Variants in CSMD1 observed in about 807,000 individuals in gnomAD.
CSMD1 encodes CUB and sushi domain-containing protein 1.
CSMD1 carries 213 observed loss-of-function variants against 417.5 expected under a neutral mutation model. That is an observed-to-expected ratio of 0.51 (90% confidence interval 0.46 to 0.57). CSMD1 has a LOEUF of 0.57. Among genes scored for constraint, CSMD1 ranks in the 20% least tolerant of loss-of-function variants. The pLI, the probability that CSMD1 is intolerant of heterozygous loss-of-function variation, is 0.00. For missense variants in CSMD1, 6,923 were observed against 4,529.7 expected (o/e 1.53, Z -15.17); for synonymous variants, 2,862 against 1,736.8 (o/e 1.65, Z -16.11).
At chr8:3,711,640 G>C in intron 6 of CSMD1, among the ~76,000 whole-genome samples, 1 of 152,234 alleles carries the variant, frequency 6.6e-6, no homozygotes, top group East Asian at 1.9e-4. Flanking sequence ...AAGGGAACAC[G>C]AGATGGGGTA....
rs1033259671 is a variant in CSMD1 at position 3,922,267 on chromosome 8, C to G, written c.818+75636G>C. 2.6e-5 allele frequency among the ~76,000 whole-genome samples: 4 copies of G among 151,916 alleles called. No individual in the cohort carries two copies. In the East Asian group the frequency reaches 7.7e-4, roughly 29 times the overall value. On this transcript the variant is annotated intron_variant, in intron 5 of 69. Transcript: ENST00000635120. ...TCTTTACTTTCAACCTATGTGTGCTCTTAAAAACATAGTGAGTTCCTTTTA... is the reference window on the plus strand; with the variant it reads ...TCTTTACTTTCAACCTATGTGTGCTGTTAAAAACATAGTGAGTTCCTTTTA...
intron 10 of CSMD1, among the ~76,000 whole-genome samples, chr8:3,496,107 G>A (rs887927389): frequency 6.6e-5 from 10 of 152,074 alleles, no homozygotes; most frequent in Non-Finnish European, 1.3e-4. Context: ...CTCTCCCTGT[G>A]TTCATGTGTT....
intron 10 of CSMD1, among the ~76,000 whole-genome samples, chr8:3,519,894 T>C (rs1195342760): frequency 3.3e-5 from 5 of 152,084 alleles, no homozygotes; most frequent in African/African-American, 4.8e-5. Flanking sequence ...TTAATACATT[T>C]ATAGTGGTTT....
intron 5 of CSMD1, among the ~76,000 whole-genome samples, chr8:3,847,444 G>C (rs895835308): frequency 1.3e-5 from 2 of 152,040 alleles, no homozygotes; most frequent in Admixed American, 1.3e-4. Flanking sequence ...GGGCAGTTTT[G>C]GGGTCCTGAG....
At chr8:3,768,948 T>C (rs965294239) in intron 5 of CSMD1, among the ~76,000 whole-genome samples, 4 of 152,208 alleles carry the variant, frequency 2.6e-5, no homozygotes, top group East Asian at 3.8e-4. Flanking sequence ...TGTGTTCCGA[T>C]GGAAGGTGAA....
chr8:3,873,559 G>C (rs1805623641), intron 5 of CSMD1, among the ~76,000 whole-genome samples: 1 of 152,094 alleles, frequency 6.6e-6, no homozygotes, highest in Non-Finnish European at 1.5e-5. Flanking sequence ...CTGCAGGGTG[G>C]ACGGTGGGAG....
intron 5 of CSMD1, among the ~76,000 whole-genome samples, chr8:3,898,134 A>G (rs554464714): frequency 6.6e-6 from 1 of 152,312 alleles, no homozygotes; most frequent in Non-Finnish European, 1.5e-5. Context: ...AGTTTCTACC[A>G]GCTGAGTCAA....
At chr8:4,747,030 G>T (rs181203197) in intron 1 of CSMD1, among the ~76,000 whole-genome samples, 1 of 152,264 alleles carries the variant, frequency 6.6e-6, no homozygotes, top group African/African-American at 2.4e-5. Flanking sequence ...AAGCCACTGA[G>T]TAGGGAGGGC....
rs184309426 is a variant in CSMD1, at chr8:4,159,652, G to A, written c.416-127553C>T. On this transcript the variant is annotated intron_variant, in intron 3 of 69. Coordinates refer to ENST00000635120, the MANE Select transcript of CSMD1 (RefSeq NM_033225.6). The stretch of plus-strand genomic sequence containing the variant: ...CGCCCAGGCTGGAGCACAGTGGCGC[G>A]ATCTCGGCTCACTGCAAGCTCCCCC... 7.1e-3 allele frequency among the ~76,000 whole-genome samples: 1,077 copies of A among 152,202 alleles called. 13 individuals are homozygous for A. The highest frequency in any genetic ancestry group is 0.025 in the African/African-American group (1,025 of 41,508).
chr8:4,647,968 C>G (rs769526456), intron 1 of CSMD1, among the ~76,000 whole-genome samples: 11 of 152,208 alleles, frequency 7.2e-5, no homozygotes, highest in Non-Finnish European at 1.5e-4. Context: ...ATTTCTGGTT[C>G]TAGATCCTTG....
At chr8:3,521,131 G>C (rs911445265) in intron 10 of CSMD1, among the ~76,000 whole-genome samples, 3 of 151,066 alleles carry the variant, frequency 2.0e-5, no homozygotes, top group African/African-American at 7.3e-5. Flanking sequence ...CACCATTCCA[G>C]TCCATCCTAC....
intron 10 of CSMD1, among the ~76,000 whole-genome samples, chr8:3,566,508 C>A (rs1429350805): frequency 4.6e-5 from 7 of 150,560 alleles, no homozygotes; most frequent in African/African-American, 1.7e-4. Flanking sequence ...GTGTGCTCAG[C>A]CCCGGTACAC....
intron 4 of CSMD1, among the ~76,000 whole-genome samples, chr8:4,018,597 C>CAA (rs1204070986): frequency 6.6e-6 from 1 of 152,204 alleles, no homozygotes; most frequent in East Asian, 1.9e-4. Flanking sequence ...GCACCCCCTG[C>CAA]CCCACTCAGA....
At chr8:3,182,916 G>A (rs1185445714) in intron 36 of CSMD1, 2 of 133,256 alleles carry the variant, frequency 1.5e-5, no homozygotes, top group East Asian at 2.2e-4. Flanking sequence ...TAGAGAAGGG[G>A]TTGTTAGTAG....
intron 5 of CSMD1, among the ~76,000 whole-genome samples, chr8:3,862,983 A>G (rs570997836): frequency 6.6e-6 from 1 of 152,336 alleles, no homozygotes; most frequent in East Asian, 1.9e-4. Context: ...AGATTCCAAT[A>G]TCAAGGTACC....
chr8:3,743,776 T>G (rs566789300), intron 6 of CSMD1, among the ~76,000 whole-genome samples: 3 of 152,214 alleles, frequency 2.0e-5, no homozygotes, highest in Admixed American at 6.5e-5. Context: ...TGTAAATTGA[T>G]AAGTTTATCT....
intron 3 of CSMD1, among the ~76,000 whole-genome samples, chr8:4,293,964 G>C (rs1225430901): frequency 6.6e-6 from 1 of 151,876 alleles, no homozygotes; most frequent in Non-Finnish European, 1.5e-5. Context: ...AAGTTCTAAA[G>C]CTGGTGCTTT....
At chr8:3,023,221 C>T (rs746119377) in intron 51 of CSMD1, among the ~76,000 whole-genome samples, 3 of 152,088 alleles carry the variant, frequency 2.0e-5, no homozygotes, top group Non-Finnish European at 4.4e-5. Context: ...AAGACCAGCC[C>T]GGACACAGAC....
At chr8:4,037,918 T>A (rs547232197) in intron 3 of CSMD1, among the ~76,000 whole-genome samples, 2 of 152,080 alleles carry the variant, frequency 1.3e-5, no homozygotes, top group Admixed American at 6.5e-5. Context: ...TTAGTGGGAA[T>A]AGGAAAAAAA....
Sources: gnomAD v4.1 joint callset for allele counts (sites outside exome capture counted in the v4.1 genomes callset) on GRCh38, gnomAD v4.1.1 for gene constraint, MANE v1.5 for transcripts, NCBI Gene and HGNC (gene_info 2026-07-23, HGNC 2026-07-21) for gene names.